The following GNAQ variants were observed in gnomAD, a reference collection of about 807,000 sequenced individuals.
GNAQ encodes the protein G protein subunit alpha q.
Under a neutral mutation model 43.9 loss-of-function variants are expected in GNAQ, and 8 were observed. The ratio of observed to expected loss-of-function variants is 0.18; its 90% CI spans 0.11 to 0.33. GNAQ has a LOEUF of 0.33. Ranked by LOEUF, GNAQ falls within the 10% of genes least tolerant of loss-of-function variation. GNAQ has a pLI of 1.00. For synonymous variants in GNAQ, 155 were observed against 170.7 expected (o/e 0.91, Z 0.71); for missense variants, 158 against 450.8 (o/e 0.35, Z 5.88).
rs2118186818 is a variant in GNAQ at position 77,720,344 on chromosome 9, AG to A, written c.*978del. ...TTTGGCAACACATACCCATAATAAA[AG>A]TCATTTTAAAATCGTGGCCCAAACA... On this transcript the variant is annotated 3_prime_UTR_variant, in exon 7 of 7. Coordinates refer to ENST00000286548, the MANE Select transcript of GNAQ (RefSeq NM_002072.5). The A allele has an allele frequency of 4.3e-6, 1 of 233,604 alleles. No individual in the cohort carries two copies. Among genetic ancestry groups the A allele is most frequent in the African/African-American group, 2.2e-5 (1 of 45,464 alleles). 14.5% of individuals were successfully genotyped at this position (233,604 alleles called of 1,614,324 possible).
intron 2 of GNAQ, among the ~76,000 whole-genome samples, chr9:77,883,253 C>T (rs1176335862): frequency 1.3e-5 from 2 of 152,096 alleles, no homozygotes; most frequent in African/African-American, 4.8e-5. Context: ...GCTAGCCTAG[C>T]CTCTGCCAGT....
At chr9:77,742,429 G>A (rs1439379784) in intron 5 of GNAQ, among the ~76,000 whole-genome samples, 1 of 152,092 alleles carries the variant, frequency 6.6e-6, no homozygotes, top group Admixed American at 6.6e-5. Context: ...AAGGTTGAAG[G>A]TTTCAATATT....
chr9:77,783,894 C>G (rs1304333781), intron 5 of GNAQ, among the ~76,000 whole-genome samples: 1 of 152,014 alleles, frequency 6.6e-6, no homozygotes, highest in Non-Finnish European at 1.5e-5. Context: ...TAGCAAGACC[C>G]TGTCTCTTAA....
intron 2 of GNAQ, among the ~76,000 whole-genome samples, chr9:77,899,453 T>C (rs1828559309): frequency 6.6e-6 from 1 of 151,960 alleles, no homozygotes; most frequent in Non-Finnish European, 1.5e-5. Flanking sequence ...GTGTGTGTAC[T>C]CTGCTTTTTA....
Position 77,817,919 on chromosome 9 carries a change from A to G in GNAQ, c.322-2149T>C, listed in dbSNP as rs544214712. ...AATGATCCCTCCAAGGAAAAGCAGC[A>G]TGGACAAAATAAACATGGCACTTTT... On this transcript the variant is annotated intron_variant, in intron 2 of 6. Transcript: ENST00000286548. Among the ~76,000 whole-genome samples the G allele has an allele frequency of 1.7e-3, 265 of 152,300 alleles. 1 individual carries two copies. Among genetic ancestry groups the G allele is most frequent in the African/African-American group, 5.9e-3 (247 of 41,564 alleles).
chr9:78,013,943 T>C (rs1460187883), intron 1 of GNAQ, among the ~76,000 whole-genome samples: 1 of 152,156 alleles, frequency 6.6e-6, no homozygotes, highest in African/African-American at 2.4e-5. Context: ...TGATGATCCT[T>C]GGTATAGGTG....
chr9:77,717,002 A>G lies in GNAQ; in HGVS notation c.*4321T>C, dbSNP rs1007318189. 9.9e-5 allele frequency: 23 copies of G among 232,686 alleles called. No individual in the cohort carries two copies. Among genetic ancestry groups the G allele is most frequent in the Non-Finnish European group, 1.7e-4 (20 of 117,800 alleles). The allele number at this position is 232,686 out of a possible 1,614,324, so 14.4% of individuals were successfully genotyped here. ...TAGGGTCTGTACTAAGTTATCTACT[A>G]AACAGCAGGTGTCTGGCTCCAAAAA... is the stretch of plus-strand genomic sequence containing the variant. On this transcript the variant is annotated 3_prime_UTR_variant, in exon 7 of 7. Transcript: ENST00000286548.
intron 2 of GNAQ, among the ~76,000 whole-genome samples, chr9:77,915,522 C>A (rs1467174083): frequency 6.6e-6 from 1 of 151,116 alleles, no homozygotes; most frequent in African/African-American, 2.4e-5. Context: ...TCAAAACTTT[C>A]AAAAACCATT....
At chr9:77,778,576 G>A (rs1291024655) in intron 5 of GNAQ, among the ~76,000 whole-genome samples, 1 of 151,846 alleles carries the variant, frequency 6.6e-6, no homozygotes, top group Non-Finnish European at 1.5e-5. Flanking sequence ...AGATATTATT[G>A]CAATATATCA....
chr9:77,778,725 CAAAT>C (rs1049084023), intron 5 of GNAQ, among the ~76,000 whole-genome samples: 10 of 151,634 alleles, frequency 6.6e-5, no homozygotes, highest in African/African-American at 2.4e-4. Flanking sequence ...GAATAAAAAA[CAAAT>C]GAATGAATAT....
At chr9:77,899,724 G>C (rs901114984) in intron 2 of GNAQ, among the ~76,000 whole-genome samples, 1 of 152,078 alleles carries the variant, frequency 6.6e-6, no homozygotes, top group Non-Finnish European at 1.5e-5. Context: ...GAGGTCAGAG[G>C]CAAAAGACCA....
At chr9:77,982,240 G>T (rs968720812) in intron 1 of GNAQ, among the ~76,000 whole-genome samples, 1 of 152,190 alleles carries the variant, frequency 6.6e-6, no homozygotes, top group African/African-American at 2.4e-5. Flanking sequence ...TTATAAAAAA[G>T]AAATGATTCT....
chr9:77,794,931 A>C (rs1279678387), intron 4 of GNAQ, among the ~76,000 whole-genome samples: 1 of 152,212 alleles, frequency 6.6e-6, no homozygotes, highest in African/African-American at 2.4e-5. Flanking sequence ...TTTTGTGTTA[A>C]GCCCTACTGG....
intron 6 of GNAQ, among the ~76,000 whole-genome samples, chr9:77,724,109 C>T (rs931167673): frequency 4.6e-5 from 7 of 152,026 alleles, no homozygotes; most frequent in African/African-American, 1.2e-4. Flanking sequence ...GTATTGGATA[C>T]GTATCATATA....
chr9:77,987,688 A>G (rs1268795718), intron 1 of GNAQ, among the ~76,000 whole-genome samples: 1 of 152,056 alleles, frequency 6.6e-6, no homozygotes, highest in African/African-American at 2.4e-5. Flanking sequence ...TATAGACAAA[A>G]TCTCTCAGGG....
intron 1 of GNAQ, among the ~76,000 whole-genome samples, chr9:77,982,837 C>A (rs1823385527): frequency 4.0e-5 from 6 of 150,712 alleles, no homozygotes; most frequent in Admixed American, 4.0e-4. Context: ...GGGAGATATA[C>A]CTAATGTAAA....
chr9:77,725,011 T>G (rs921208244), intron 6 of GNAQ, among the ~76,000 whole-genome samples: 1 of 152,136 alleles, frequency 6.6e-6, no homozygotes, highest in Non-Finnish European at 1.5e-5. Context: ...AAGAACATTA[T>G]ATTTCTGGCT....
chr9:77,738,709 G>T (rs1274525495), intron 5 of GNAQ, among the ~76,000 whole-genome samples: 2 of 152,058 alleles, frequency 1.3e-5, no homozygotes, highest in East Asian at 3.9e-4. Flanking sequence ...TGTGGCTAAT[G>T]CAACTGAAAA....
chr9:77,989,817 A>G (rs1244472493), intron 1 of GNAQ, among the ~76,000 whole-genome samples: 1 of 152,226 alleles, frequency 6.6e-6, no homozygotes, highest in Admixed American at 6.5e-5. Flanking sequence ...TATTAATTTT[A>G]TTTTAATCTA....
Sources: gnomAD v4.1 joint callset for allele counts (sites outside exome capture counted in the v4.1 genomes callset) on GRCh38, gnomAD v4.1.1 for gene constraint, MANE v1.5 for transcripts, NCBI Gene and HGNC (gene_info 2026-07-23, HGNC 2026-07-21) for gene names.